The following BBS9 variants were observed in gnomAD, a reference collection of about 807,000 sequenced individuals.
BBS9 encodes protein PTHB1.
A neutral mutation model predicts 117.7 loss-of-function variants in BBS9; 89 were observed. The ratio of observed to expected loss-of-function variants is 0.76; its 90% CI spans 0.64 to 0.90. The LOEUF is 0.90. BBS9 is among the 40% of genes least tolerant of loss of function. BBS9 has a pLI of 0.00. For missense variants in BBS9, 982 were observed against 1,042.2 expected (o/e 0.94, Z 0.80); for synonymous variants, 379 against 370.9 (o/e 1.02, Z -0.25).
At chr7:33,249,743 A>G (rs1339761106) in intron 5 of BBS9, among the ~76,000 whole-genome samples, 2 of 152,150 alleles carry the variant, frequency 1.3e-5, no homozygotes, top group Non-Finnish European at 2.9e-5. Context: ...GTTTAAGCAT[A>G]ATTTTTGAGG....
chr7:33,315,217 G>A (rs370786733), intron 9 of BBS9, among the ~76,000 whole-genome samples: 1 of 152,144 alleles, frequency 6.6e-6, no homozygotes, highest in Admixed American at 6.6e-5. Context: ...TCCTCTGAAG[G>A]CTGTCAGGGA....
intron 20 of BBS9, among the ~76,000 whole-genome samples, chr7:33,522,015 C>T (rs1257574303): frequency 2.2e-4 from 33 of 150,618 alleles, no homozygotes; most frequent in Admixed American, 7.9e-4. Flanking sequence ...TTTGTTCTCG[C>T]GATAGTTTAC....
chr7:33,324,176 G>A (rs1812338267), intron 9 of BBS9, among the ~76,000 whole-genome samples: 1 of 151,906 alleles, frequency 6.6e-6, no homozygotes, highest in Admixed American at 6.6e-5. Context: ...TTTCTCTGGT[G>A]GTACATTTTA....
chr7:33,289,671 G>C (rs550398859), intron 9 of BBS9, among the ~76,000 whole-genome samples: 1 of 152,158 alleles, frequency 6.6e-6, no homozygotes, highest in East Asian at 1.9e-4. Flanking sequence ...TAAATGGGTA[G>C]TTACAATTCA....
chr7:33,142,773 C>T (rs1791700969), intron 1 of BBS9, among the ~76,000 whole-genome samples: 1 of 152,146 alleles, frequency 6.6e-6, no homozygotes, highest in African/African-American at 2.4e-5. Context: ...TTTAAGGCTG[C>T]ATAATATTCC....
chr7:33,310,787 A>G (rs1386826573), intron 9 of BBS9, among the ~76,000 whole-genome samples: 2 of 152,232 alleles, frequency 1.3e-5, no homozygotes, highest in Non-Finnish European at 2.9e-5. Flanking sequence ...CAGTCCCCAC[A>G]AGAAAGACTT....
At chr7:33,601,939 G>A (rs1213671678) in intron 21 of BBS9, among the ~76,000 whole-genome samples, 1 of 152,166 alleles carries the variant, frequency 6.6e-6, no homozygotes, top group African/African-American at 2.4e-5. Flanking sequence ...AGTGCTTTCA[G>A]ATGGATGGCC....
intron 20 of BBS9, among the ~76,000 whole-genome samples, chr7:33,531,090 CA>C (rs1850506494): frequency 6.6e-6 from 1 of 152,096 alleles, no homozygotes; most frequent in Non-Finnish European, 1.5e-5. Flanking sequence ...ACTAAAAATA[CA>C]AAAATTAGCC....
intron 5 of BBS9, among the ~76,000 whole-genome samples, chr7:33,186,041 C>A (rs534470867): frequency 6.6e-6 from 1 of 152,290 alleles, no homozygotes; most frequent in South Asian, 2.1e-4. Context: ...AGTTGCACAA[C>A]AGGGTGGGTT....
chr7:33,314,384 G>A (rs117370031), intron 9 of BBS9: 5,521 of 337,370 alleles, frequency 0.016, 68 homozygotes, highest in Non-Finnish European at 0.022. Flanking sequence ...TCAAAGCTCA[G>A]TGCTAGATTA....
intron 19 of BBS9, among the ~76,000 whole-genome samples, chr7:33,425,452 T>C (rs1443847628): frequency 6.6e-6 from 1 of 152,214 alleles, no homozygotes; most frequent in African/African-American, 2.4e-5. Context: ...GCCCATCACC[T>C]AGGTATTAAG....
At chr7:33,237,890 A>C (rs1351115271) in intron 5 of BBS9, among the ~76,000 whole-genome samples, 3 of 152,148 alleles carry the variant, frequency 2.0e-5, no homozygotes, top group Admixed American at 2.0e-4. Context: ...TCAGATGACA[A>C]ATTTCAGTGG....
intron 1 of BBS9, among the ~76,000 whole-genome samples, chr7:33,133,661 C>T (rs1461240368): frequency 1.3e-5 from 2 of 152,056 alleles, no homozygotes; most frequent in Non-Finnish European, 2.9e-5. Context: ...AAATAATATT[C>T]CACTGTATGG....
At chr7:33,580,804 C>T (rs1404011152) in intron 21 of BBS9, among the ~76,000 whole-genome samples, 3 of 152,106 alleles carry the variant, frequency 2.0e-5, no homozygotes, top group Non-Finnish European at 2.9e-5. Flanking sequence ...GATGCTAAGA[C>T]AGTTTTGGAT....
chr7:33,176,150 C>T (rs1052606565), intron 4 of BBS9, among the ~76,000 whole-genome samples: 9 of 152,104 alleles, frequency 5.9e-5, no homozygotes, highest in East Asian at 3.9e-4. Flanking sequence ...AGAGCTTTTC[C>T]GGCTAGTTCC....
rs191542531 is a variant in BBS9, at chr7:33,276,358, A to T, written c.1016+2402A>T. ...AGTCACATCTTAAATCTTATTACTT[A>T]TCTAAACTGAGGCAGTAAATGGACA... On this transcript the variant is annotated intron_variant, in intron 9 of 22. Coordinates refer to ENST00000242067, the MANE Select transcript of BBS9 (RefSeq NM_198428.3). Among the ~76,000 whole-genome samples, 731 of 152,316 alleles carry T rather than the reference A, an allele frequency of 4.8e-3. 11 individuals are homozygous for T. Among genetic ancestry groups the T allele is most frequent in the African/African-American group, 0.017 (692 of 41,570 alleles).
At chr7:33,437,369 T>G (rs1171530060) in intron 19 of BBS9, among the ~76,000 whole-genome samples, 1 of 152,152 alleles carries the variant, frequency 6.6e-6, no homozygotes, top group Non-Finnish European at 1.5e-5. Context: ...TAGAGCCAAG[T>G]GCTATATCAG....
intron 9 of BBS9, among the ~76,000 whole-genome samples, chr7:33,311,622 G>A (rs1809243079): frequency 6.6e-6 from 1 of 152,102 alleles, no homozygotes; most frequent in East Asian, 1.9e-4. Flanking sequence ...TTCGAGACCA[G>A]CCTGGCCAAC....
chr7:33,603,215 C>T (rs1249474847), intron 21 of BBS9, among the ~76,000 whole-genome samples: 1 of 152,132 alleles, frequency 6.6e-6, no homozygotes, highest in Non-Finnish European at 1.5e-5. Context: ...CCCCCACCTC[C>T]CTCTGTCTCA....
Sources: allele counts gnomAD v4.1 joint callset (sites outside exome capture counted in the v4.1 genomes callset), GRCh38; gene constraint gnomAD v4.1.1; transcripts MANE v1.5; gene names NCBI Gene and HGNC (gene_info 2026-07-23, HGNC 2026-07-21).